EP300: variants seen among roughly 807,000 people sequenced by gnomAD.
The protein encoded by EP300 is histone acetyltransferase p300.
EP300 carries 31 observed loss-of-function variants against 264.0 expected under a neutral mutation model. That is an observed-to-expected ratio of 0.12 (90% CI 0.09 to 0.16). The LOEUF is 0.16. EP300 is among the 10% of genes least tolerant of loss of function. The pLI, the probability that EP300 is intolerant of heterozygous loss-of-function variation, is 1.00. For missense variants in EP300, 2,766 were observed against 3,052.9 expected (o/e 0.91, Z 2.21); for synonymous variants, 1,340 against 1,045.4 (o/e 1.28, Z -5.44).
At chr22:41,093,866 C>T (rs1730150050) in intron 1 of EP300, among the ~76,000 whole-genome samples, 1 of 152,126 alleles carries the variant, frequency 6.6e-6, no homozygotes, top group African/African-American at 2.4e-5. Context: ...AGTTACGTAC[C>T]TGGAAATCAA....
In EP300 at chr22:41,131,563, G is replaced by A. The variant is rs892264044; in HGVS notation, c.1458G>A (p.Val486=). The A allele has an allele frequency of 3.1e-6, 5 of 1,613,968 alleles. No homozygotes were observed. Among genetic ancestry groups the A allele is most frequent in the Non-Finnish European group, 3.4e-6 (4 of 1,180,038 alleles). Residue 486 remains valine, a synonymous_variant, in exon 6 of 31, where the codon GTG becomes GTA. Transcript: ENST00000263253. ...ATCAGATGCCGACACAACCCCAGGTGCAAGCAAAGAACCAGCAGAATCAGC... is the reference window on the plus strand; with the variant it reads ...ATCAGATGCCGACACAACCCCAGGTACAAGCAAAGAACCAGCAGAATCAGC... The part of the protein sequence containing the change: ...QVNQMPTQPQ[V]QAKNQQNQQP...
At position 41,178,055 on chromosome 22, in the gene EP300, C is replaced by T. The variant is rs540687308; in HGVS notation, c.6344C>T (p.Pro2115Leu). The change falls in exon 31 of 31, where the codon CCA becomes CTA. Residue 2115 changes from proline (P) to leucine (L), a missense_variant. By Grantham distance (98) the Pro-to-Leu change is moderately conservative. Coordinates refer to ENST00000263253, the MANE Select transcript of EP300 (RefSeq NM_001429.4). ...GMPQGQPGLQPPTMPGQQGVH... is the reference protein window; with the variant it reads ...GMPQGQPGLQLPTMPGQQGVH... ...CCCCAGGGGCAGCCAGGGCTACAGCCACCTACCATGCCAGGTCAGCAGGGG... is the reference window on the plus strand; with the variant it reads ...CCCCAGGGGCAGCCAGGGCTACAGCTACCTACCATGCCAGGTCAGCAGGGG... 6.2e-7 allele frequency: 1 copy of T among 1,614,164 alleles called. No individual in the cohort carries two copies. The highest frequency in any genetic ancestry group is 1.7e-5 in the Admixed American group (1 of 60,022).
intron 13 of EP300, 133 bp downstream of exon 13, chr22:41,149,308 CT>C: frequency 9.7e-7 from 1 of 1,028,240 alleles, no homozygotes; most frequent in Non-Finnish European, 1.5e-6. Context: ...CAATTTTGGA[CT>C]TAGGGTATTC....
chr22:41,127,114 C>A (rs1038429794), intron 3 of EP300, among the ~76,000 whole-genome samples: 7 of 152,208 alleles, frequency 4.6e-5, no homozygotes, highest in Non-Finnish European at 7.3e-5. Flanking sequence ...TTTTCACCAA[C>A]CCGAAAGACC....
intron 10 of EP300, among the ~76,000 whole-genome samples, chr22:41,142,336 G>A (rs1052637982): frequency 1.3e-5 from 2 of 152,186 alleles, no homozygotes; most frequent in Admixed American, 1.3e-4. Context: ...TAGTAAAGTA[G>A]AGAACCATTG....
At chr22:41,133,647 G>A (rs2058933208) in intron 6 of EP300, among the ~76,000 whole-genome samples, 1 of 151,976 alleles carries the variant, frequency 6.6e-6, no homozygotes, top group South Asian at 2.1e-4. Flanking sequence ...TCTGTATTTG[G>A]GATGCCAACC....
At chr22:41,122,212 C>A (rs1179483852) in intron 2 of EP300, among the ~76,000 whole-genome samples, 3 of 132,796 alleles carry the variant, frequency 2.3e-5, no homozygotes, top group Admixed American at 9.3e-5. Flanking sequence ...GTCGCCCAGG[C>A]AGGAGTGCAA....
intron 19 of EP300, 193 bp from the exon 20 acceptor site, chr22:41,160,437 AAAACAAAAAAAC>A (rs1474850087): frequency 6.8e-5 from 37 of 540,408 alleles, no homozygotes; most frequent in Non-Finnish European, 9.0e-5. Context: ...AAAACAAAAA[AAAACAAAAAAAC>A]AAACAAAAAA....
At position 41,178,806 on chromosome 22, in the gene EP300, C is replaced by T. The variant is rs2145523947; in HGVS notation, c.7095C>T (p.Ala2365=). 6.2e-7 allele frequency: 1 copy of T among 1,614,176 alleles called. No individual in the cohort carries two copies. Among genetic ancestry groups the T allele is most frequent in the Non-Finnish European group, 8.5e-7 (1 of 1,180,044 alleles). The change falls in exon 31 of 31, where the codon GCC becomes GCT. Residue 2365 remains alanine (A), a synonymous_variant. Coordinates refer to ENST00000263253, the MANE Select transcript of EP300 (RefSeq NM_001429.4). ...QANPMEQGHF[A]SPDQNSMLSQ... ...ACCCCATGGAACAAGGGCATTTTGC[C>T]AGCCCGGACCAGAATTCAATGCTTT...
In EP300 at chr22:41,178,258, T is replaced by C; in HGVS notation, c.6547T>C (p.Leu2183=). The C allele has an allele frequency of 6.2e-7, 1 of 1,613,720 alleles. No homozygotes were observed. Among genetic ancestry groups the C allele is most frequent in the Non-Finnish European group, 8.5e-7 (1 of 1,179,916 alleles). The change falls in exon 31 of 31, where the codon TTG becomes CTG. Residue 2183 remains leucine (L), a synonymous_variant. Coordinates refer to ENST00000263253, the MANE Select transcript of EP300 (RefSeq NM_001429.4). ...CATGCCTTCACAATTCCGAGACATC[T>C]TGAGACGACAGCAAATGATGCAACA... ...NTMPSQFRDI[L]RRQQMMQQQQ...
chr22:41,127,449 A>G, intron 3 of EP300, 38 bp from the exon 4 acceptor site: 1 of 1,612,352 alleles, frequency 6.2e-7, no homozygotes, highest in Non-Finnish European at 8.5e-7. Flanking sequence ...ATAGCACATT[A>G]TGACTCCTAC....
intron 1 of EP300, among the ~76,000 whole-genome samples, chr22:41,112,080 G>C (rs1398404678): frequency 1.3e-5 from 2 of 150,884 alleles, no homozygotes; most frequent in Non-Finnish European, 2.9e-5. Flanking sequence ...AGTAGAGACG[G>C]GGTTTCACTG....
At chr22:41,158,701 C>G (rs2059091310) in intron 19 of EP300, 3 of 564,468 alleles carry the variant, frequency 5.3e-6, no homozygotes, top group Admixed American at 2.7e-5. Context: ...CATCAGTTAC[C>G]TGGGTTCCTC....
chr22:41,117,458 C>T lies in EP300; in HGVS notation c.366C>T (p.Val122=). 6.2e-7 allele frequency: 1 copy of T among 1,613,966 alleles called. No individual in the cohort carries two copies. The highest frequency in any genetic ancestry group is 8.5e-7 in the Non-Finnish European group (1 of 1,179,854). The change falls in exon 2 of 31, where the codon GTC becomes GTT. Residue 122 remains valine (V), a synonymous_variant. Transcript: ENST00000263253. ...GATTAGGTTTGATAAATAGCATGGT[C>T]AAAAGCCCAATGACACAGGCAGGCT... The part of the protein sequence containing the change: ...SPGLGLINSM[V]KSPMTQAGLT...
At chr22:41,093,996 A>C (rs990387579) in intron 1 of EP300, among the ~76,000 whole-genome samples, 1 of 152,236 alleles carries the variant, frequency 6.6e-6, no homozygotes, top group Admixed American at 6.5e-5. Context: ...ACTTTTAAAC[A>C]TACTTGGAGA....
intron 22 of EP300, among the ~76,000 whole-genome samples, chr22:41,165,281 T>C (rs1357751992): frequency 6.6e-6 from 1 of 152,234 alleles, no homozygotes; most frequent in Admixed American, 6.5e-5. Context: ...GCTTGCTTTT[T>C]CTTAAAAGTA....
Position 41,115,307 on chromosome 22 carries a change from C to T in EP300, c.95-1880C>T, listed in dbSNP as rs562977407. Among the ~76,000 whole-genome samples the T allele has an allele frequency of 2.6e-5, 4 of 152,272 alleles. No individual in the cohort carries two copies. In the South Asian group the frequency reaches 8.3e-4, roughly 32 times the overall value. ...TGGCATAAGTAGAAAGACCAGGAGT[C>T]TCCTAATGATAATAGAGGGCACAAG... On this transcript the variant is annotated intron_variant, in intron 1 of 30. Transcript: ENST00000263253.
intron 2 of EP300, among the ~76,000 whole-genome samples, chr22:41,122,157 C>CTTTTTTTTT (rs71328774): frequency 6.1e-4 from 22 of 35,842 alleles, no homozygotes; most frequent in South Asian, 1.4e-3. Flanking sequence ...TCTTCTTCTT[C>CTTTTTTTTT]TTTTTTTTTT....
intron 2 of EP300, 78 bp from the exon 3 acceptor site, chr22:41,125,786 G>A (rs2145707171): frequency 2.1e-6 from 3 of 1,453,462 alleles, no homozygotes; most frequent in Non-Finnish European, 1.9e-6. Flanking sequence ...TTGTGAACTT[G>A]GAAGTGAAAT....
Sources: gnomAD v4.1 joint callset for allele counts (sites outside exome capture counted in the v4.1 genomes callset) on GRCh38, gnomAD v4.1.1 for gene constraint, MANE v1.5 for transcripts, NCBI Gene and HGNC (gene_info 2026-07-23, HGNC 2026-07-21) for gene names.